SCN9A: variants seen among roughly 807,000 people sequenced by gnomAD.
SCN9A encodes the protein sodium channel protein type 9 subunit alpha.
Under a neutral mutation model 187.0 loss-of-function variants are expected in SCN9A, and 131 were observed. That is an observed-to-expected ratio of 0.70 (90% CI 0.61 to 0.81). SCN9A has a LOEUF of 0.81. Ranked by LOEUF, SCN9A falls within the 30% of genes least tolerant of loss-of-function variation. The pLI, the probability that SCN9A is intolerant of heterozygous loss-of-function variation, is 0.00. For missense variants in SCN9A, 2,252 were observed against 2,396.6 expected, an observed-to-expected ratio of 0.94 and a Z score of 1.26; for synonymous variants, 809 against 808.6, an observed-to-expected ratio of 1.00 and a Z score of -0.01.
At chr2:166,199,975 G>GTTTTTTTTTTTTTTTTTTTTTTT (rs764524434) in intron 26 of SCN9A, 111 bp from the exon 27 acceptor site, 2 of 79,332 alleles carry the variant, frequency 2.5e-5, no homozygotes, top group African/African-American at 9.4e-5. Flanking sequence ...ATTCAAGACA[G>GTTTTTTTTTTTTTTTTTTTTTTT]TTTTTTTTTT....
Position 166,250,718 on chromosome 2 carries a change from G to C in SCN9A, c.3472+1047C>G, listed in dbSNP as rs1695997290. 2.0e-5 allele frequency among the ~76,000 whole-genome samples: 3 copies of C among 152,066 alleles called. No homozygotes were observed. In the South Asian group the frequency reaches 6.2e-4, roughly 31 times the overall value. ...GCATACAGGAGTAGAAGGAGGTACT[G>C]TTACAAAACAAGAGACTAAGGCCAA... On this transcript the variant is annotated intron_variant, in intron 18 of 26. Coordinates refer to ENST00000642356, the MANE Select transcript of SCN9A (RefSeq NM_001365536.1).
At chr2:166,231,186 G>A (rs1336030781) in intron 21 of SCN9A, among the ~76,000 whole-genome samples, 1 of 152,188 alleles carries the variant, frequency 6.6e-6, no homozygotes, top group South Asian at 2.1e-4. Context: ...GGGGAAAGTT[G>A]TGATAGATTG....
intron 1 of SCN9A, among the ~76,000 whole-genome samples, chr2:166,359,490 T>C (rs1024725677): frequency 1.3e-5 from 2 of 152,146 alleles, no homozygotes; most frequent in African/African-American, 2.4e-5. Flanking sequence ...AACCAAATAC[T>C]TTTCATTAAA....
chr2:166,293,147 A>G, intron 9 of SCN9A, 84 bp downstream of exon 9: 2 of 1,272,008 alleles, frequency 1.6e-6, no homozygotes, highest in Non-Finnish European at 1.1e-6. Flanking sequence ...CAAATAAATA[A>G]AAAACCTCCT....
Position 166,280,548 on chromosome 2 carries a change from C to T in SCN9A, c.2152G>A (p.Ala718Thr), listed in dbSNP as rs1209373152. 2 of 1,590,972 alleles carry T rather than the reference C, an allele frequency of 1.3e-6. No individual in the cohort carries two copies. The highest frequency in any genetic ancestry group is 3.5e-5 in the Admixed American group (2 of 57,236). The change falls in exon 14 of 27, where the codon GCA becomes ACA. Residue 718 changes from alanine (A) to threonine (T), a missense_variant. Around this residue, in one of 7 missense-constraint regions of SCN9A, gnomAD observed 1,013 missense variants for 997.4 expected, o/e 1.02. Coordinates refer to ENST00000642356, the MANE Select transcript of SCN9A (RefSeq NM_001365536.1). The stretch of plus-strand genomic sequence containing the variant: ...CAATTCCAGATCAAGAATTTGTGTG[C>T]AAATCTGTACCACCAAGGTGGACAT... ...QKCPPWWYRF[A>T]HKFLIWNCSP... is the part of the protein sequence containing the mutation.
intron 17 of SCN9A, among the ~76,000 whole-genome samples, chr2:166,266,049 A>G (rs1450329312): frequency 6.6e-6 from 1 of 151,992 alleles, no homozygotes. Context: ...CTTGCTGTGC[A>G]GAAGCTTTTT....
chr2:166,291,319 C>G (rs1431536389), intron 9 of SCN9A, among the ~76,000 whole-genome samples: 1 of 152,066 alleles, frequency 6.6e-6, no homozygotes, highest in East Asian at 1.9e-4. Flanking sequence ...AATAAACTCC[C>G]ATTTGCAATT....
In SCN9A at chr2:166,203,574, A is replaced by G. The variant is rs1316895194; in HGVS notation, c.4774+381T>C. On this transcript the variant is annotated intron_variant, in intron 26 of 26. Coordinates refer to ENST00000642356, the MANE Select transcript of SCN9A (RefSeq NM_001365536.1). ...ATTCACAGATATTCTGGCTATTAAT[A>G]TTATCATTAATCAAATGACAAGTCT... Among the ~76,000 whole-genome samples, 6 of 152,034 alleles carry G rather than the reference A, an allele frequency of 3.9e-5. No individual in the cohort carries two copies. The East Asian group carries it at 1.2e-3, about 29-fold the overall frequency.
In SCN9A at chr2:166,195,477, T is replaced by C. The variant is rs1045389187; in HGVS notation, c.*3195A>G. ...TACATAGGTCCTAAACCCAGGCCAA[T>C]TCCCTGGCCATCCTAATTTAGTTGG... On this transcript the variant is annotated 3_prime_UTR_variant, in exon 27 of 27. Coordinates refer to ENST00000642356, the MANE Select transcript of SCN9A (RefSeq NM_001365536.1). 6.6e-6 allele frequency: 1 copy of C among 152,162 alleles called. No individual in the cohort carries two copies. The highest frequency in any genetic ancestry group is 1.5e-5 in the Non-Finnish European group (1 of 68,026). 9.4% of individuals were successfully genotyped at this position (152,162 alleles called of 1,614,324 possible).
At chr2:166,284,310 A>C (rs935754460) in intron 12 of SCN9A, 143 bp downstream of exon 12, 52 of 938,510 alleles carry the variant, frequency 5.5e-5, no homozygotes, top group Non-Finnish European at 8.1e-5. Flanking sequence ...GATTAGGCTA[A>C]TGAATCAAAG....
At chr2:166,271,022 C>CA (rs1415252372) in intron 17 of SCN9A, among the ~76,000 whole-genome samples, 1 of 151,964 alleles carries the variant, frequency 6.6e-6, no homozygotes, top group African/African-American at 2.4e-5. Flanking sequence ...AAACTCAATA[C>CA]ATACCTTGAC....
intron 9 of SCN9A, among the ~76,000 whole-genome samples, chr2:166,292,081 T>C (rs1698098679): frequency 6.6e-6 from 1 of 152,054 alleles, no homozygotes; most frequent in Admixed American, 6.6e-5. Flanking sequence ...GGGATATAAC[T>C]AAACTAAAGA....
At chr2:166,288,833 A>G (rs965109736) in intron 9 of SCN9A, among the ~76,000 whole-genome samples, 190 bp from the exon 10 acceptor site, 8 of 152,182 alleles carry the variant, frequency 5.3e-5, no homozygotes, top group Admixed American at 1.3e-4. Context: ...ATAGCAATGT[A>G]ATATGCTTGT....
chr2:166,360,226 AAAAAAAAAAG>A (rs1235701170), intron 1 of SCN9A, among the ~76,000 whole-genome samples: 12 of 144,704 alleles, frequency 8.3e-5, no homozygotes, highest in Non-Finnish European at 1.5e-4. Flanking sequence ...TCTCAAAAAA[AAAAAAAAAAG>A]AAAAAAAAAA....
At chr2:166,258,772 A>G (rs2106437856) in intron 17 of SCN9A, among the ~76,000 whole-genome samples, 1 of 151,786 alleles carries the variant, frequency 6.6e-6, no homozygotes, top group South Asian at 2.1e-4. Context: ...TATTTATGCC[A>G]GAAACACTTC....
At chr2:166,374,241 A>G (rs1474375156) in intron 1 of SCN9A, among the ~76,000 whole-genome samples, 1 of 152,196 alleles carries the variant, frequency 6.6e-6, no homozygotes, top group Non-Finnish European at 1.5e-5. Context: ...GTAAAAACAC[A>G]TCACTGAGTC....
At chr2:166,361,771 A>T (rs1302237483) in intron 1 of SCN9A, among the ~76,000 whole-genome samples, 1 of 151,798 alleles carries the variant, frequency 6.6e-6, no homozygotes, top group Admixed American at 6.6e-5. Context: ...TAATGAGCTT[A>T]GGCAATAGCC....
At chr2:166,238,839 C>T (rs1303766012) in intron 19 of SCN9A, among the ~76,000 whole-genome samples, 7 of 152,172 alleles carry the variant, frequency 4.6e-5, no homozygotes, top group Admixed American at 3.9e-4. Flanking sequence ...GACTATTCAT[C>T]CATATATTAT....
At chr2:166,203,792 AGAGACAGATATTTGTTTT>A (rs1271782771) in intron 26 of SCN9A, among the ~76,000 whole-genome samples, 145 bp downstream of exon 26, 2 of 152,072 alleles carry the variant, frequency 1.3e-5, no homozygotes, top group East Asian at 3.9e-4. Context: ...CTGTAGTATG[AGAGACAGATATTTGTTTT>A]GCTTTTTAGG....
Sources: gnomAD v4.1 joint callset for allele counts (sites outside exome capture counted in the v4.1 genomes callset) on GRCh38, gnomAD v4.1.1 for gene constraint, gnomAD v4.1.1 regional missense constraint, MANE v1.5 for transcripts, NCBI Gene and HGNC (gene_info 2026-07-23, HGNC 2026-07-21) for gene names.